Variants in TPGS2 observed in about 807,000 individuals in gnomAD.
The protein encoded by TPGS2 is tubulin polyglutamylase complex subunit 2.
TPGS2 carries 26 observed loss-of-function variants against 31.1 expected under a neutral mutation model. The observed-to-expected ratio is 0.84, with a 90% CI of 0.61 to 1.16. The LOEUF (loss-of-function observed/expected upper bound fraction) is 1.16. Among genes scored for constraint, TPGS2 ranks in the 50% most tolerant of loss-of-function variants. TPGS2 has a pLI of 0.00. For missense variants in TPGS2, 351 were observed against 363.8 expected, an observed-to-expected ratio of 0.96 and a Z score of 0.29; for synonymous variants, 130 against 136.6, an observed-to-expected ratio of 0.95 and a Z score of 0.34.
chr18:36,828,905 C>T lies in TPGS2; in HGVS notation c.-138G>A. ...GCGCGGCGCAGTGATGATGGGGGCC[C>T]GGGGTTGGTCTGACAGCAGCAGCTC... On this transcript the variant is annotated 5_prime_UTR_variant, in exon 1 of 7. Coordinates refer to ENST00000334295, the MANE Select transcript of TPGS2 (RefSeq NM_015476.4). The T allele has an allele frequency of 8.9e-7, 1 of 1,118,972 alleles. No homozygotes were observed. The highest frequency in any genetic ancestry group is 1.2e-6 in the Non-Finnish European group (1 of 800,076). The allele number at this position is 1,118,972 out of a possible 1,614,324, so 69.3% of individuals were successfully genotyped here.
At chr18:36,816,330 C>G (rs2045652042) in intron 2 of TPGS2, among the ~76,000 whole-genome samples, 1 of 152,224 alleles carries the variant, frequency 6.6e-6, no homozygotes, top group African/African-American at 2.4e-5. Flanking sequence ...CCTGCAGACT[C>G]TATCCCTGAA....
intron 2 of TPGS2, among the ~76,000 whole-genome samples, chr18:36,815,001 C>T (rs997577982): frequency 2.6e-5 from 4 of 152,188 alleles, no homozygotes; most frequent in Non-Finnish European, 5.9e-5. Context: ...CCCAAAAGGG[C>T]AAAGGGCCCC....
intron 6 of TPGS2, among the ~76,000 whole-genome samples, chr18:36,785,790 T>C (rs755849609): frequency 4.6e-5 from 7 of 152,178 alleles, no homozygotes; most frequent in Admixed American, 6.5e-5. Context: ...ATAGGCTGGA[T>C]AATTAGAAGT....
chr18:36,813,750 GT>G (rs2045532365), intron 2 of TPGS2, among the ~76,000 whole-genome samples: 2 of 152,168 alleles, frequency 1.3e-5, no homozygotes, highest in Admixed American at 6.5e-5. Flanking sequence ...TACGTTGAAG[GT>G]TTTTTGTTTT....
chr18:36,783,920 A>G (rs2044071530), intron 6 of TPGS2, among the ~76,000 whole-genome samples: 1 of 152,176 alleles, frequency 6.6e-6, no homozygotes, highest in African/African-American at 2.4e-5. Context: ...AAACCCAGTC[A>G]TGAGTGTCCC....
At chr18:36,809,993 TAGA>T (rs768449119) in intron 2 of TPGS2, among the ~76,000 whole-genome samples, 6 of 152,130 alleles carry the variant, frequency 3.9e-5, no homozygotes, top group African/African-American at 1.4e-4. Context: ...TTCATACAAA[TAGA>T]AAAAAATCTG....
intron 6 of TPGS2, among the ~76,000 whole-genome samples, chr18:36,787,255 G>A (rs2044156269): frequency 6.6e-6 from 1 of 152,232 alleles, no homozygotes; most frequent in African/African-American, 2.4e-5. Context: ...ACTGCAGTAT[G>A]TGGACTATTC....
chr18:36,780,336 C>T (rs1196793769), downstream of TPGS2: 1 of 561,714 alleles, frequency 1.8e-6, no homozygotes, highest in Non-Finnish European at 2.7e-6. Flanking sequence ...TTTGCCCCAT[C>T]CTGATATGGA....
At chr18:36,791,570 G>A (rs527871022), downstream of TPGS2, among the ~76,000 whole-genome samples, 1 of 152,266 alleles carries the variant, frequency 6.6e-6, no homozygotes, top group South Asian at 2.1e-4. Flanking sequence ...AATATAGAAA[G>A]TCAATGGCTG....
At chr18:36,786,536 T>A (rs1228959472) in intron 6 of TPGS2, 1 of 215,068 alleles carries the variant, frequency 4.6e-6, no homozygotes, top group Non-Finnish European at 9.1e-6. Context: ...ATTCTTTAAG[T>A]GTAGGGAGGG....
chr18:36,797,335 T>C (rs910252014), intron 6 of TPGS2, among the ~76,000 whole-genome samples: 1 of 152,072 alleles, frequency 6.6e-6, no homozygotes, highest in Non-Finnish European at 1.5e-5. Context: ...TAGTGAGTCC[T>C]GAGCCTGGGA....
At chr18:36,809,405 A>G (rs1429904979) in intron 2 of TPGS2, among the ~76,000 whole-genome samples, 1 of 152,226 alleles carries the variant, frequency 6.6e-6, no homozygotes, top group East Asian at 1.9e-4. Context: ...TTAATGAAAC[A>G]GGTTTTAAAT....
intron 2 of TPGS2, among the ~76,000 whole-genome samples, chr18:36,812,316 G>T (rs1320031493): frequency 6.6e-6 from 1 of 152,176 alleles, no homozygotes; most frequent in Admixed American, 6.5e-5. Flanking sequence ...AACAACCAAG[G>T]CAGGCAGTGG....
intron 6 of TPGS2, among the ~76,000 whole-genome samples, chr18:36,787,736 A>G (rs1275253661): frequency 1.3e-5 from 2 of 152,208 alleles, no homozygotes; most frequent in Non-Finnish European, 2.9e-5. Flanking sequence ...AGTCAACTTC[A>G]GAGGCTTTCT....
At chr18:36,787,969 C>G (rs774133543) in intron 6 of TPGS2, among the ~76,000 whole-genome samples, 8 of 152,162 alleles carry the variant, frequency 5.3e-5, no homozygotes, top group Non-Finnish European at 8.8e-5. Flanking sequence ...TTAGAACTTT[C>G]TAAACCTATC....
intron 2 of TPGS2, among the ~76,000 whole-genome samples, chr18:36,811,453 G>GA (rs2045422491): frequency 6.6e-6 from 1 of 152,164 alleles, no homozygotes; most frequent in African/African-American, 2.4e-5. Flanking sequence ...AATACGTGAA[G>GA]AAAAAAATAT....
chr18:36,781,724 T>A, downstream of TPGS2: 1 of 978,442 alleles, frequency 1.0e-6, no homozygotes, highest in Non-Finnish European at 1.2e-6. Context: ...GTAGCATTGC[T>A]TAAAAAGCCA....
chr18:36,800,222 G>A lies in TPGS2; in HGVS notation c.472C>T (p.Leu158Phe), dbSNP rs1393197339. The A allele has an allele frequency of 6.2e-7, 1 of 1,614,124 alleles. No individual in the cohort carries two copies. Among genetic ancestry groups the A allele is most frequent in the South Asian group, 1.1e-5 (1 of 91,072 alleles). Residue 158 changes from leucine (L) to phenylalanine (F), a missense_variant, in exon 5 of 7, where the codon CTT becomes TTT. By Grantham distance (22) the Leu-to-Phe change is conservative (BLOSUM62 0). Transcript: ENST00000334295. ...DSCNGSGKVC[L>F]VYKSGKPALA... ...CCTGGTTTCCCACTTTTGTAGACAA[G>A]GCAAACTTTCCCACTGCCATTGCAT...
At chr18:36,791,079 G>GTTGC (rs1389418023), downstream of TPGS2, among the ~76,000 whole-genome samples, 21 of 152,030 alleles carry the variant, frequency 1.4e-4, no homozygotes, top group African/African-American at 4.8e-4. Flanking sequence ...ACGAGATCTG[G>GTTGC]TTGCTTACTA....
Sources: gnomAD v4.1 joint callset for allele counts (sites outside exome capture counted in the v4.1 genomes callset) on GRCh38, gnomAD v4.1.1 for gene constraint, MANE v1.5 for transcripts, NCBI Gene and HGNC (gene_info 2026-07-23, HGNC 2026-07-21) for gene names.